Variants in MED4 observed in about 807,000 individuals in gnomAD.
The protein encoded by MED4 is mediator complex subunit 4, also known as mediator of RNA polymerase II transcription subunit 4.
In MED4, 21 loss-of-function variants were observed where a neutral mutation model predicts 35.0. The ratio of observed to expected loss-of-function variants is 0.60; its 90% CI spans 0.43 to 0.86. The LOEUF is 0.86. MED4 is among the 40% of genes least tolerant of loss of function. The pLI is 0.00. For synonymous variants in MED4, 138 were observed against 114.0 expected, an observed-to-expected ratio of 1.21 and a Z score of -1.34; for missense variants, 300 against 319.4, an observed-to-expected ratio of 0.94 and a Z score of 0.46.
At chr13:48,087,202 C>T (rs921711830) in intron 2 of MED4, among the ~76,000 whole-genome samples, 2 of 151,706 alleles carry the variant, frequency 1.3e-5, no homozygotes, top group East Asian at 2.0e-4. Flanking sequence ...CCCATCTCTA[C>T]TGAAAATACA....
intron 5 of MED4, 97 bp downstream of exon 5, chr13:48,081,548 G>T: frequency 1.4e-6 from 1 of 713,092 alleles, no homozygotes; most frequent in South Asian, 2.7e-5. Context: ...AGGTTTCTAA[G>T]GATAAATACA....
chr13:48,075,785 C>T lies in MED4; in HGVS notation c.*1354G>A, dbSNP rs138385567. Among the ~76,000 whole-genome samples the T allele has an allele frequency of 2.1e-3, 327 of 152,214 alleles. 2 individuals are homozygous for T. Among genetic ancestry groups the T allele is most frequent in the African/African-American group, 7.1e-3 (293 of 41,528 alleles). ...CACATGGATCAATATTCCTAGTATA[C>T]GGACAAGGCAAGGTTAAAATTAGAT... On this transcript the variant is annotated 3_prime_UTR_variant, in exon 7 of 7. Transcript: ENST00000258648.
intron 4 of MED4, 46 bp from the exon 5 acceptor site, chr13:48,081,777 A>C: frequency 8.1e-7 from 1 of 1,228,702 alleles, no homozygotes; most frequent in Non-Finnish European, 1.2e-6. Context: ...TCTAACAAAC[A>C]TACAAGTTTA....
chr13:48,087,924 T>C (rs1159265789), intron 2 of MED4, among the ~76,000 whole-genome samples: 3 of 151,834 alleles, frequency 2.0e-5, no homozygotes, highest in African/African-American at 7.3e-5. Flanking sequence ...GCAAAAACCA[T>C]GAAGGCTAAA....
intron 1 of MED4, among the ~76,000 whole-genome samples, 185 bp from the exon 2 acceptor site, chr13:48,090,603 T>C (rs934821348): frequency 6.6e-6 from 1 of 152,196 alleles, no homozygotes; most frequent in Non-Finnish European, 1.5e-5. Flanking sequence ...ATCACCTAAA[T>C]GCCAATGAAA....
intron 1 of MED4, among the ~76,000 whole-genome samples, chr13:48,094,336 G>A (rs535080575): frequency 3.3e-5 from 5 of 152,136 alleles, no homozygotes; most frequent in Non-Finnish European, 7.3e-5. Context: ...ATCATGAAAG[G>A]TGACAGAATA....
intron 6 of MED4, chr13:48,077,604 TCTCA>T (rs1950770772): frequency 5.6e-6 from 1 of 179,012 alleles, no homozygotes; most frequent in Non-Finnish European, 1.2e-5. Context: ...AGAGATGAGG[TCTCA>T]CTATGTTAAC....
In MED4 at chr13:48,095,104, C is replaced by T; in HGVS notation, c.-26G>A. ...TTTCCCCAGAGTCCCGCCACCGGCG[C>T]ACGCGCAGAGCGAGCTGACGCAGGT... On this transcript the variant is annotated 5_prime_UTR_variant, in exon 1 of 7. Coordinates refer to ENST00000258648, the MANE Select transcript of MED4 (RefSeq NM_014166.4). 6.2e-7 allele frequency: 1 copy of T among 1,600,382 alleles called. No individual in the cohort carries two copies. Among genetic ancestry groups the T allele is most frequent in the African/African-American group, 1.3e-5 (1 of 75,052 alleles).
At chr13:48,084,959 C>T (rs137869758) in intron 3 of MED4, among the ~76,000 whole-genome samples, 6,736 of 151,904 alleles carry the variant, frequency 0.044, 181 homozygotes, top group Middle Eastern at 0.068. Flanking sequence ...CTCTGCCTCC[C>T]GGGTTCAAGA....
intron 1 of MED4, among the ~76,000 whole-genome samples, chr13:48,092,869 T>G (rs1235936940): frequency 6.6e-6 from 1 of 152,158 alleles, no homozygotes; most frequent in Non-Finnish European, 1.5e-5. Flanking sequence ...CCTCTGTTCT[T>G]GCAAATCTGG....
chr13:48,094,738 G>A (rs1222983987), intron 1 of MED4, among the ~76,000 whole-genome samples: 2 of 152,088 alleles, frequency 1.3e-5, no homozygotes, highest in East Asian at 3.9e-4. Flanking sequence ...GACCGCGCGA[G>A]TTCTTATCAT....
intron 5 of MED4, among the ~76,000 whole-genome samples, 156 bp downstream of exon 5, chr13:48,081,489 G>C (rs1281760431): frequency 6.6e-6 from 1 of 152,130 alleles, no homozygotes; most frequent in Non-Finnish European, 1.5e-5. Flanking sequence ...AAAACCCATG[G>C]CCTATATCAT....
At chr13:48,087,151 A>C (rs1410884528) in intron 2 of MED4, among the ~76,000 whole-genome samples, 2 of 150,658 alleles carry the variant, frequency 1.3e-5, no homozygotes, top group East Asian at 4.0e-4. Context: ...GAATCACCAG[A>C]GGTCAAAAGT....
At chr13:48,093,116 T>C (rs1015401793) in intron 1 of MED4, among the ~76,000 whole-genome samples, 2 of 152,182 alleles carry the variant, frequency 1.3e-5, no homozygotes, top group East Asian at 1.9e-4. Context: ...CAATTCCCCA[T>C]AGAAATAAAA....
intron 5 of MED4, among the ~76,000 whole-genome samples, chr13:48,080,396 C>CAA (rs57198503): frequency 0.036 from 2,459 of 68,084 alleles, 119 homozygotes; most frequent in African/African-American, 0.083. Flanking sequence ...GACCCTGTCT[C>CAA]AAAAAAAAAA....
At position 48,076,061 on chromosome 13, in the gene MED4, G is replaced by A. The variant is rs925138108; in HGVS notation, c.*1078C>T. On this transcript the variant is annotated 3_prime_UTR_variant, in exon 7 of 7. Transcript: ENST00000258648. The stretch of plus-strand genomic sequence containing the variant: ...CATTATTCTCATTTTACAAAAAAGT[G>A]TATGTGAACTTTAAAAAAATCTACA... 1 of 149,480 alleles carries A rather than the reference G, an allele frequency of 6.7e-6. No individual in the cohort carries two copies. The highest frequency in any genetic ancestry group is 2.5e-5 in the African/African-American group (1 of 40,456). The allele number at this position is 149,480 out of a possible 1,614,324, so 9.3% of individuals were successfully genotyped here.
At chr13:48,086,217 G>C in intron 3 of MED4, 65 bp downstream of exon 3, 1 of 1,478,010 alleles carries the variant, frequency 6.8e-7, no homozygotes, top group Non-Finnish European at 9.3e-7. Flanking sequence ...ATTGATAACA[G>C]ATTTTTCAGA....
chr13:48,092,336 TCCCGACCACA>T (rs1472472980), intron 1 of MED4, among the ~76,000 whole-genome samples: 1 of 152,048 alleles, frequency 6.6e-6, no homozygotes, highest in Non-Finnish European at 1.5e-5. Context: ...GGTCTCGAAA[TCCCGACCACA>T]GGTGATCCGC....
rs1593543300 is a variant in MED4, at chr13:48,081,733, TGAAA to T, written c.422-6_422-3del. The T allele has an allele frequency of 6.2e-7, 1 of 1,603,186 alleles. No individual in the cohort carries two copies. On this transcript the variant is annotated splice_region_variant and splice_polypyrimidine_tract_variant and intron_variant, in intron 4 of 6. Transcript: ENST00000258648. ...TTATTTCTTCAGAGGAGATAGCACC[TGAAA>T]GAGTTTTAAGAGGACAGTATAACCT...
Sources: gnomAD v4.1 joint callset for allele counts (sites outside exome capture counted in the v4.1 genomes callset) on GRCh38, gnomAD v4.1.1 for gene constraint, MANE v1.5 for transcripts, NCBI Gene and HGNC (gene_info 2026-07-23, HGNC 2026-07-21) for gene names.